The following EHD4 variants were observed in gnomAD, a reference collection of about 807,000 sequenced individuals.
EHD4 encodes the protein EH domain-containing protein 4.
EHD4 carries 37 observed loss-of-function variants against 51.0 expected under a neutral mutation model. That is an observed-to-expected ratio of 0.73 (90% CI 0.56 to 0.95). EHD4 has a LOEUF of 0.95. EHD4 is among the 40% of genes least tolerant of loss of function. The pLI is 0.00. For missense variants in EHD4, 632 were observed against 733.1 expected, an observed-to-expected ratio of 0.86 and a Z score of 1.59; for synonymous variants, 297 against 317.3, an observed-to-expected ratio of 0.94 and a Z score of 0.68.
At chr15:41,901,324 A>G (rs777695474) in intron 5 of EHD4, 143 bp from the exon 6 acceptor site, 18 of 769,610 alleles carry the variant, frequency 2.3e-5, no homozygotes, top group Non-Finnish European at 3.3e-5. Flanking sequence ...AGCTTCCCAC[A>G]TCCAGATGTA....
intron 4 of EHD4, among the ~76,000 whole-genome samples, chr15:41,914,219 C>A (rs746175834): frequency 7.9e-5 from 12 of 152,180 alleles, no homozygotes; most frequent in Non-Finnish European, 1.6e-4. Context: ...GGAAGGCGGG[C>A]TGGGAAGGCA....
chr15:41,950,476 T>C (rs2067845805), intron 2 of EHD4, among the ~76,000 whole-genome samples: 1 of 152,218 alleles, frequency 6.6e-6, no homozygotes, highest in African/African-American at 2.4e-5. Context: ...CCCAGAGAAG[T>C]ATGCTATGTG....
chr15:41,922,378 CCT>C (rs1320867356), intron 3 of EHD4, among the ~76,000 whole-genome samples: 3 of 152,086 alleles, frequency 2.0e-5, no homozygotes, highest in African/African-American at 7.2e-5. Context: ...AGAGTGAGAC[CCT>C]GTCACAAAAA....
chr15:41,901,090 G>A lies in EHD4; in HGVS notation c.1181C>T (p.Ser394Leu), dbSNP rs768409281. The A allele has an allele frequency of 9.3e-6, 15 of 1,612,238 alleles. No homozygotes were observed. The highest frequency in any genetic ancestry group is 8.8e-5 in the South Asian group (8 of 90,820). ...AVDNMLSNKISPLMNLISQEE... is the reference protein window; with the variant it reads ...AVDNMLSNKILPLMNLISQEE... ...CTGGCTGATGAGGTTCATGAGGGGC[G>A]AGATCTTGTTGCTCAGCATGTTGTC... is the stretch of plus-strand genomic sequence containing the variant. The change falls in exon 6 of 6, where the codon TCG (serine) becomes TTG (leucine). Residue 394 changes from serine (S) to leucine (L), a missense_variant. Transcript: ENST00000220325.
intron 3 of EHD4, among the ~76,000 whole-genome samples, chr15:41,932,228 C>T (rs929019805): frequency 6.6e-6 from 1 of 152,154 alleles, no homozygotes; most frequent in Non-Finnish European, 1.5e-5. Context: ...TGGACAAGCT[C>T]CAAGATTTAC....
chr15:41,943,439 T>C (rs2067790321), intron 2 of EHD4, among the ~76,000 whole-genome samples: 1 of 152,222 alleles, frequency 6.6e-6, no homozygotes, highest in Admixed American at 6.5e-5. Context: ...ACCTGATGCC[T>C]TTCTGTTCAT....
chr15:41,963,255 TC>T (rs937048576), intron 1 of EHD4, among the ~76,000 whole-genome samples: 5 of 101,238 alleles, frequency 4.9e-5, no homozygotes, highest in Non-Finnish European at 8.0e-5. Context: ...CCCTGCCAAA[TC>T]CCCCCCTCGG....
chr15:41,956,275 G>T lies in EHD4; in HGVS notation c.237-2335C>A, dbSNP rs367725308. On this transcript the variant is annotated intron_variant, in intron 1 of 5. Coordinates refer to ENST00000220325, the MANE Select transcript of EHD4 (RefSeq NM_139265.4). ...TGTGGAGCTCCACCTTGGGTGGCTC[G>T]CGGCAACACGGCCCCTTCTCGGCAC... Among the ~76,000 whole-genome samples the T allele has an allele frequency of 3.9e-5, 6 of 152,080 alleles. No homozygotes were observed. The East Asian group carries it at 1.2e-3, about 29-fold the overall frequency.
intron 3 of EHD4, among the ~76,000 whole-genome samples, chr15:41,925,147 GAA>G (rs1161505492): frequency 2.0e-5 from 3 of 151,216 alleles, no homozygotes; most frequent in Non-Finnish European, 4.4e-5. Flanking sequence ...AGAAAAGAAA[GAA>G]AAATCCCAAG....
intron 1 of EHD4, among the ~76,000 whole-genome samples, chr15:41,958,095 T>C (rs141501865): frequency 3.4e-5 from 5 of 146,574 alleles, no homozygotes; most frequent in African/African-American, 1.2e-4. Flanking sequence ...TAGTATTATC[T>C]GCAATAACAA....
rs1456083651 is a variant in EHD4, at chr15:41,948,992, T to C, written c.413+4772A>G. 2.9e-5 allele frequency among the ~76,000 whole-genome samples: 4 copies of C among 140,084 alleles called. No individual in the cohort carries two copies. The Admixed American group carries it at 3.0e-4, about 11-fold the overall frequency. The allele number at this position is 140,084 out of a possible 152,430, so 91.9% of individuals were successfully genotyped here. A position where few individuals can be genotyped will look rare whatever the true frequency, so the allele number is the denominator to read the frequency against. On this transcript the variant is annotated intron_variant, in intron 2 of 5. Transcript: ENST00000220325. ...GTGAGCTGTGATCGTGCCTCCGCGC[T>C]CCAGCCTGGGCAACAGAGTGAGACT...
intron 1 of EHD4, among the ~76,000 whole-genome samples, chr15:41,967,916 C>A (rs1192523711): frequency 6.6e-6 from 1 of 152,244 alleles, no homozygotes; most frequent in African/African-American, 2.4e-5. Context: ...ATTTCCTGAA[C>A]CTCGCCTGTG....
Position 41,898,011 on chromosome 15 carries a change from T to G in EHD4, c.*2634A>C, listed in dbSNP as rs192352953. ...TGGACACATTCACAGAACTTTGTAC[T>G]GGTCCTGGGAAGATACAAGTCCTCA... On this transcript the variant is annotated 3_prime_UTR_variant, in exon 6 of 6. Coordinates refer to ENST00000220325, the MANE Select transcript of EHD4 (RefSeq NM_139265.4). 48 of 152,392 alleles carry G rather than the reference T, an allele frequency of 3.1e-4. 1 individual carries two copies. In the East Asian group the frequency reaches 9.1e-3, roughly 29 times the overall value. 9.4% of individuals were successfully genotyped at this position (152,392 alleles called of 1,614,324 possible). A position where few individuals can be genotyped will look rare whatever the true frequency, so the allele number is the denominator to read the frequency against.
intron 3 of EHD4, among the ~76,000 whole-genome samples, chr15:41,933,173 T>C (rs1418278449): frequency 6.6e-6 from 1 of 152,072 alleles, no homozygotes; most frequent in Non-Finnish European, 1.5e-5. Context: ...CTAAGGAAAA[T>C]ACAGATGCTC....
intron 3 of EHD4, among the ~76,000 whole-genome samples, chr15:41,930,104 C>T (rs2067688640): frequency 6.6e-6 from 1 of 152,138 alleles, no homozygotes. Context: ...TATTGTCATC[C>T]AATTCCAAAC....
rs1404707120 is a variant in EHD4, at chr15:41,952,902, A to G, written c.413+862T>C. Among the ~76,000 whole-genome samples the G allele has an allele frequency of 3.5e-5, 5 of 144,690 alleles. No homozygotes were observed. In the Admixed American group the frequency reaches 3.5e-4, roughly 10 times the overall value. 94.9% of individuals were successfully genotyped at this position (144,690 alleles called of 152,430 possible). ...CTACTTGGGAGGCTGAGGCAGGAGA[A>G]TTGCTTGAACCTGGGAGGCGGAGGT... On this transcript the variant is annotated intron_variant, in intron 2 of 5. Coordinates refer to ENST00000220325, the MANE Select transcript of EHD4 (RefSeq NM_139265.4).
rs144183974 is a variant in EHD4, at chr15:41,903,209, T to C, written c.1090-2028A>G. Among the ~76,000 whole-genome samples the C allele has an allele frequency of 3.1e-3, 473 of 150,192 alleles. 12 individuals are homozygous for C. The highest frequency in any genetic ancestry group is 0.028 in the Admixed American group (424 of 14,934). On this transcript the variant is annotated intron_variant, in intron 5 of 5. Transcript: ENST00000220325. The stretch of plus-strand genomic sequence containing the variant: ...ATGCAGGTGTGCAATTTTCTGGAGA[T>C]GAGGCAGGGAGATTTGCAAGGAAAA...
At chr15:41,910,750 G>A (rs2067544559) in intron 4 of EHD4, among the ~76,000 whole-genome samples, 1 of 152,206 alleles carries the variant, frequency 6.6e-6, no homozygotes, top group Non-Finnish European at 1.5e-5. Flanking sequence ...TGTATTTTTA[G>A]TAGAGACGGG....
rs1380151115 is a variant in EHD4, at chr15:41,901,101, G to A, written c.1170C>T (p.Ser390=). The change falls in exon 6 of 6, where the codon AGC becomes AGT. Residue 390 remains serine (S), a synonymous_variant. Coordinates refer to ENST00000220325, the MANE Select transcript of EHD4 (RefSeq NM_139265.4). ...KLIEAVDNML[S]NKISPLMNLI... is the part of the protein sequence containing the mutation. ...GGTTCATGAGGGGCGAGATCTTGTT[G>A]CTCAGCATGTTGTCCACTGCCTCGA... 6.2e-7 allele frequency: 1 copy of A among 1,610,972 alleles called. No individual in the cohort carries two copies. Among genetic ancestry groups the A allele is most frequent in the South Asian group, 1.1e-5 (1 of 90,552 alleles).
Sources: allele counts gnomAD v4.1 joint callset (sites outside exome capture counted in the v4.1 genomes callset), GRCh38; gene constraint gnomAD v4.1.1; transcripts MANE v1.5; gene names NCBI Gene and HGNC (gene_info 2026-07-23, HGNC 2026-07-21).